Variants in VIPR2 observed in about 807,000 individuals in gnomAD.
The protein encoded by VIPR2 is vasoactive intestinal peptide receptor 2, also known as vasoactive intestinal polypeptide receptor 2.
A neutral mutation model predicts 58.0 loss-of-function variants in VIPR2; 48 were observed. The ratio of observed to expected loss-of-function variants is 0.83; its 90% CI spans 0.66 to 1.05. VIPR2 has a LOEUF of 1.05. VIPR2 is among the 50% of genes least tolerant of loss of function. The probability of loss-of-function intolerance (pLI) is 0.00; values close to 1 mark genes in which losing one functional copy is unlikely to be tolerated. For missense variants in VIPR2, 534 were observed against 558.0 expected, an observed-to-expected ratio of 0.96 and a Z score of 0.43; for synonymous variants, 243 against 235.2, an observed-to-expected ratio of 1.03 and a Z score of -0.30.
chr7:159,036,967 C>G, intron 6 of VIPR2, 65 bp from the exon 7 acceptor site: 1 of 1,555,800 alleles, frequency 6.4e-7, no homozygotes, highest in Non-Finnish European at 8.7e-7. Context: ...TACCAGCAGG[C>G]AGTGCCGCTC....
At chr7:159,079,712 A>G (rs1252164962) in intron 4 of VIPR2, among the ~76,000 whole-genome samples, 1 of 152,208 alleles carries the variant, frequency 6.6e-6, no homozygotes, top group Admixed American at 6.5e-5. Flanking sequence ...AAATTGATAG[A>G]CCGCTAGCAA....
chr7:159,142,705 T>A lies in VIPR2; in HGVS notation c.52-160A>T, dbSNP rs149582812. Among the ~76,000 whole-genome samples, 318 of 152,358 alleles carry A rather than the reference T, an allele frequency of 2.1e-3. 1 individual carries two copies. Among genetic ancestry groups the A allele is most frequent in the Middle Eastern group, 6.8e-3 (2 of 294 alleles). On this transcript the variant is annotated intron_variant, in intron 1 of 12. Transcript: ENST00000262178. Reference sequence around the variant, plus strand: ...TCACCTTGATTTTTCTGGCATTTTTTAAAAACTTCACTATTTACTTTGTAA... The same window carrying A: ...TCACCTTGATTTTTCTGGCATTTTTAAAAAACTTCACTATTTACTTTGTAA...
chr7:159,118,535 G>A (rs1796330458), intron 2 of VIPR2, among the ~76,000 whole-genome samples: 1 of 152,196 alleles, frequency 6.6e-6, no homozygotes, highest in South Asian at 2.1e-4. Context: ...CAGGTTCAGT[G>A]GGTGTTTACG....
intron 2 of VIPR2, among the ~76,000 whole-genome samples, chr7:159,110,928 A>G (rs1488996307): frequency 1.3e-5 from 2 of 152,252 alleles, no homozygotes; most frequent in African/African-American, 4.8e-5. Context: ...GTGAAAATAT[A>G]TTTATTATAA....
At chr7:159,066,336 C>A (rs1194502013) in intron 4 of VIPR2, among the ~76,000 whole-genome samples, 1 of 151,206 alleles carries the variant, frequency 6.6e-6, no homozygotes, top group Non-Finnish European at 1.5e-5. Context: ...GCTTCCACAA[C>A]GTCTGTGGGA....
chr7:159,031,134 G>A lies in VIPR2; in HGVS notation c.1144-345C>T, dbSNP rs139519555. Among the ~76,000 whole-genome samples the A allele has an allele frequency of 5.3e-5, 8 of 152,218 alleles. No individual in the cohort carries two copies. The East Asian group carries it at 1.5e-3, about 29-fold the overall frequency. On this transcript the variant is annotated intron_variant, in intron 12 of 12. Coordinates refer to ENST00000262178, the MANE Select transcript of VIPR2 (RefSeq NM_003382.5). This position sits in a 1 kb window ranked among gnomAD's most constrained non-coding sequence, Gnocchi z 4.0. ...GGGGTTGTGACGGTGCTGGGCCTCC[G>A]TCTCCTTCCCTGTTCCCAGCGGGCA...
intron 4 of VIPR2, among the ~76,000 whole-genome samples, chr7:159,067,964 C>A (rs1016885642): frequency 2.6e-5 from 4 of 152,238 alleles, no homozygotes; most frequent in African/African-American, 9.6e-5. Flanking sequence ...GGGCCGCTAG[C>A]CCCTCTCTGC....
chr7:159,139,892 A>G (rs1470379891), intron 2 of VIPR2, among the ~76,000 whole-genome samples: 4 of 152,276 alleles, frequency 2.6e-5, no homozygotes, highest in Non-Finnish European at 5.9e-5. Context: ...GGCCATGGAA[A>G]CAGGGCTGGA....
chr7:159,143,187 A>G (rs1461323398), intron 1 of VIPR2, among the ~76,000 whole-genome samples: 1 of 152,218 alleles, frequency 6.6e-6, no homozygotes, highest in Non-Finnish European at 1.5e-5. Context: ...AGGTGCCACA[A>G]AGATAGTAAT....
At chr7:159,121,295 C>G (rs1051925870) in intron 2 of VIPR2, among the ~76,000 whole-genome samples, 1 of 152,086 alleles carries the variant, frequency 6.6e-6, no homozygotes, top group African/African-American at 2.4e-5. Flanking sequence ...TCCCAGGGCT[C>G]CATTTACTAG....
intron 2 of VIPR2, among the ~76,000 whole-genome samples, chr7:159,133,017 C>CAGAATGATTGGCATACAGATTGATTTT (rs1563355730): frequency 1.1e-5 from 1 of 93,714 alleles, no homozygotes; most frequent in Non-Finnish European, 2.3e-5. Flanking sequence ...AGATTGATTT[C>CAGAATGATTGGCATACAGATTGATTTT]AGACAGAATG....
At chr7:159,076,328 C>A (rs1349896613) in intron 4 of VIPR2, among the ~76,000 whole-genome samples, 5 of 152,220 alleles carry the variant, frequency 3.3e-5, no homozygotes, top group Admixed American at 3.3e-4. Context: ...CCCTTGAAGA[C>A]AGAGGATCTT....
At position 159,030,613 on chromosome 7, in the gene VIPR2, G is replaced by A; in HGVS notation, c.*3C>T. ...CCGCCGCGTCCGACAGGCAGGGGTGGGGCTAGATGACCGAGGTCTCCGTTT... is the reference window on the plus strand; with the variant it reads ...CCGCCGCGTCCGACAGGCAGGGGTGAGGCTAGATGACCGAGGTCTCCGTTT... On this transcript the variant is annotated 3_prime_UTR_variant, in exon 13 of 13. Transcript: ENST00000262178. 1 of 1,537,162 alleles carries A rather than the reference G, an allele frequency of 6.5e-7. No homozygotes were observed. The highest frequency in any genetic ancestry group is 1.2e-5 in the South Asian group (1 of 82,172).
rs538493176 is a variant in VIPR2, at chr7:159,140,765, G to C, written c.151+1681C>G. Among the ~76,000 whole-genome samples, 319 of 152,304 alleles carry C rather than the reference G, an allele frequency of 2.1e-3. 5 individuals carry two copies. The highest frequency in any genetic ancestry group is 3.4e-3 in the Middle Eastern group (1 of 294). ...CTGGGACCTGCGGCCCCTAGCGCCC[G>C]ATATGACTCACACACGGACTGCCCA... On this transcript the variant is annotated intron_variant, in intron 2 of 12. Transcript: ENST00000262178.
rs985315409 is a variant in VIPR2, at chr7:159,093,881, C to T, written c.357+9876G>A. On this transcript the variant is annotated intron_variant, in intron 4 of 12. Coordinates refer to ENST00000262178, the MANE Select transcript of VIPR2 (RefSeq NM_003382.5). This position sits in a 1 kb window ranked among gnomAD's most constrained non-coding sequence, Gnocchi z 6.7. ...TCTCCTGGACAGCGGCCACCCCATG[C>T]CCAGTGCTGACGGGCGCCCCTCGTG... Among the ~76,000 whole-genome samples the T allele has an allele frequency of 6.6e-6, 1 of 152,186 alleles. No individual in the cohort carries two copies. The highest frequency in any genetic ancestry group is 1.5e-5 in the Non-Finnish European group (1 of 68,032).
At chr7:159,083,187 G>A (rs1174396194) in intron 4 of VIPR2, among the ~76,000 whole-genome samples, 2 of 152,044 alleles carry the variant, frequency 1.3e-5, no homozygotes, top group Admixed American at 6.5e-5. Flanking sequence ...GTCCACCCCG[G>A]AGCAGCCTTG....
intron 5 of VIPR2, among the ~76,000 whole-genome samples, chr7:159,044,326 C>T (rs910391351): frequency 6.6e-6 from 1 of 152,056 alleles, no homozygotes; most frequent in African/African-American, 2.4e-5. Flanking sequence ...CAGCTACAAC[C>T]GGCAGCAAGA....
At chr7:159,084,964 T>C (rs1258090405) in intron 4 of VIPR2, among the ~76,000 whole-genome samples, 1 of 152,228 alleles carries the variant, frequency 6.6e-6, no homozygotes, top group East Asian at 1.9e-4. Context: ...TGGAAGCTTC[T>C]TCTAAAAACG....
At chr7:159,108,995 C>T (rs1211843952) in intron 3 of VIPR2, among the ~76,000 whole-genome samples, 1 of 152,330 alleles carries the variant, frequency 6.6e-6, no homozygotes, top group Non-Finnish European at 1.5e-5. Context: ...TCTCCTTCTC[C>T]TCTGTCCCAA....
Sources: gnomAD v4.1 joint callset for allele counts (sites outside exome capture counted in the v4.1 genomes callset) on GRCh38, gnomAD v4.1.1 for gene constraint, Gnocchi (gnomAD v3.1) non-coding constraint, MANE v1.5 for transcripts, NCBI Gene and HGNC (gene_info 2026-07-23, HGNC 2026-07-21) for gene names.